GOLGA4: variants seen among roughly 807,000 people sequenced by gnomAD.
GOLGA4 encodes the protein golgin subfamily A member 4.
In GOLGA4, 169 loss-of-function variants were observed where a neutral mutation model predicts 265.9. That is an observed-to-expected ratio of 0.64 (90% confidence interval 0.56 to 0.72). The LOEUF (loss-of-function observed/expected upper bound fraction) is 0.72. Among genes scored for constraint, GOLGA4 ranks in the 30% least tolerant of loss-of-function variants. The probability of loss-of-function intolerance (pLI) is 0.00; values close to 1 mark genes in which losing one functional copy is unlikely to be tolerated. For missense variants in GOLGA4, 2,482 were observed against 2,483.4 expected, an observed-to-expected ratio of 1.00 and a Z score of 0.01; for synonymous variants, 923 against 855.8, an observed-to-expected ratio of 1.08 and a Z score of -1.37.
intron 2 of GOLGA4, among the ~76,000 whole-genome samples, chr3:37,281,261 A>T (rs2096833877): frequency 6.6e-6 from 1 of 152,212 alleles, no homozygotes; most frequent in African/African-American, 2.4e-5. Context: ...ATTTGTGCAG[A>T]GGGACTCTAA....
At chr3:37,283,512 A>T (rs945617254) in intron 3 of GOLGA4, among the ~76,000 whole-genome samples, 1 of 152,010 alleles carries the variant, frequency 6.6e-6, no homozygotes, top group Non-Finnish European at 1.5e-5. Context: ...TGTGTATTTT[A>T]TATTTAATTT....
At chr3:37,362,240 A>AT (rs773620319) in intron 23 of GOLGA4, among the ~76,000 whole-genome samples, 269 of 93,980 alleles carry the variant, frequency 2.9e-3, no homozygotes, top group African/African-American at 8.1e-3. Context: ...TTTATTTATT[A>AT]TTTTTTTTTT....
At position 37,323,862 on chromosome 3, in the gene GOLGA4, A is replaced by T. The variant is rs766314785; in HGVS notation, c.1976A>T (p.Asp659Val). The T allele has an allele frequency of 4.3e-6, 7 of 1,612,238 alleles. No individual in the cohort carries two copies. In the South Asian group the frequency reaches 7.7e-5, roughly 18 times the overall value. ...CAAGAAAAAGAAACATTGTTGAAAG[A>T]CAAAGAGATTATCTTCCAGGCCCAC... The part of the protein sequence containing the change: ...CEQEKETLLK[D>V]KEIIFQAHIE... The change falls in exon 14 of 24, where the codon GAC (aspartate) becomes GTC (valine). Residue 659 changes from aspartate (D) to valine (V), a missense_variant. By Grantham distance (152) the Asp-to-Val change is radical. This residue lies in a region of GOLGA4 where 1,536 missense variants were observed against 1,483.7 expected (regional missense o/e 1.04). Transcript: ENST00000361924.
At chr3:37,252,762 A>G (rs2096737566) in intron 2 of GOLGA4, among the ~76,000 whole-genome samples, 1 of 152,092 alleles carries the variant, frequency 6.6e-6, no homozygotes, top group African/African-American at 2.4e-5. Context: ...TTTATTGCCC[A>G]TTTGATGTCT....
At chr3:37,258,201 T>G (rs544559666) in intron 2 of GOLGA4, among the ~76,000 whole-genome samples, 11 of 146,448 alleles carry the variant, frequency 7.5e-5, no homozygotes, top group South Asian at 4.2e-4. Flanking sequence ...ATATGTATGA[T>G]ATATATAGCA....
chr3:37,359,627 C>G (rs918656126), intron 22 of GOLGA4, among the ~76,000 whole-genome samples: 1 of 152,130 alleles, frequency 6.6e-6, no homozygotes, highest in African/African-American at 2.4e-5. Flanking sequence ...TGCTTTCACA[C>G]TGATTCTTGG....
chr3:37,270,808 G>T (rs532173682), intron 2 of GOLGA4, among the ~76,000 whole-genome samples: 1 of 152,194 alleles, frequency 6.6e-6, no homozygotes, highest in South Asian at 2.1e-4. Flanking sequence ...ATGGTTTTGG[G>T]ATGATTCGAG....
At chr3:37,275,622 G>A in intron 2 of GOLGA4, 1 of 1,566,472 alleles carries the variant, frequency 6.4e-7, no homozygotes, top group African/African-American at 1.4e-5. Flanking sequence ...CGCTCCTGCT[G>A]TGTCTTCCGC....
intron 6 of GOLGA4, among the ~76,000 whole-genome samples, chr3:37,295,766 G>A (rs1437808613): frequency 1.3e-5 from 2 of 152,084 alleles, no homozygotes; most frequent in Non-Finnish European, 2.9e-5. Context: ...AAATATTTAG[G>A]GGGTGAAAAC....
chr3:37,304,485 T>C (rs2096901064), intron 10 of GOLGA4, among the ~76,000 whole-genome samples: 1 of 152,238 alleles, frequency 6.6e-6, no homozygotes. Context: ...TTGAGTGTTG[T>C]AAGACATTGG....
In GOLGA4 at chr3:37,327,625, C is replaced by A; in HGVS notation, c.5739C>A (p.Val1913=). 1 of 1,613,536 alleles carries A rather than the reference C, an allele frequency of 6.2e-7. No homozygotes were observed. The highest frequency in any genetic ancestry group is 1.1e-5 in the South Asian group (1 of 91,042). Residue 1913 remains valine, a synonymous_variant, in exon 14 of 24, where the codon GTC becomes GTA. Transcript: ENST00000361924. ...NTEEKSKSHL[V]QPKLLSNMEA... ...AAGAAAAGTCCAAATCACATTTGGTCCAACCCAAATTGCTTAGTAACATGG... is the reference window on the plus strand; with the variant it reads ...AAGAAAAGTCCAAATCACATTTGGTACAACCCAAATTGCTTAGTAACATGG...
chr3:37,283,881 A>G (rs1464841425), intron 3 of GOLGA4, among the ~76,000 whole-genome samples: 1 of 152,142 alleles, frequency 6.6e-6, no homozygotes, highest in Non-Finnish European at 1.5e-5. Context: ...CGTAGATGTT[A>G]ATTAGCTCAG....
At chr3:37,351,324 C>T (rs1023077761) in intron 21 of GOLGA4, among the ~76,000 whole-genome samples, 4 of 152,132 alleles carry the variant, frequency 2.6e-5, no homozygotes, top group African/African-American at 9.7e-5. Flanking sequence ...AATTCTGGTT[C>T]TCTTGATAGC....
At chr3:37,329,191 GA>G (rs2096982169) in intron 16 of GOLGA4, 98 bp downstream of exon 16, 1 of 1,002,948 alleles carries the variant, frequency 1.0e-6, no homozygotes, top group Non-Finnish European at 1.4e-6. Context: ...TTTTTTGAAC[GA>G]AAAGGGTTTT....
chr3:37,280,323 TG>T (rs1411562262), intron 2 of GOLGA4, among the ~76,000 whole-genome samples: 5 of 152,210 alleles, frequency 3.3e-5, no homozygotes, highest in African/African-American at 1.2e-4. Context: ...ATTGTATTGG[TG>T]GCTGAAATTG....
chr3:37,358,877 T>C (rs937885309), intron 22 of GOLGA4, among the ~76,000 whole-genome samples: 2 of 152,186 alleles, frequency 1.3e-5, no homozygotes, highest in South Asian at 2.1e-4. Context: ...AGCCTAGATC[T>C]CAATGGTTTG....
intron 19 of GOLGA4, among the ~76,000 whole-genome samples, chr3:37,338,360 T>A (rs1246624810): frequency 6.6e-6 from 1 of 152,208 alleles, no homozygotes; most frequent in Non-Finnish European, 1.5e-5. Flanking sequence ...GATGGGTATA[T>A]GAGCATTAAT....
At chr3:37,308,233 CA>C (rs750032403) in intron 10 of GOLGA4, among the ~76,000 whole-genome samples, 86 of 108,640 alleles carry the variant, frequency 7.9e-4, no homozygotes, top group Middle Eastern at 0.01. Flanking sequence ...AACTCTGTCT[CA>C]AAAAAAAAAA....
At chr3:37,333,753 A>T (rs2096999622) in intron 16 of GOLGA4, among the ~76,000 whole-genome samples, 1 of 152,168 alleles carries the variant, frequency 6.6e-6, no homozygotes, top group Non-Finnish European at 1.5e-5. Flanking sequence ...GATATCTAAG[A>T]TATCTAAGGA....
Sources: gnomAD v4.1 joint callset for allele counts (sites outside exome capture counted in the v4.1 genomes callset) on GRCh38, gnomAD v4.1.1 for gene constraint, gnomAD v4.1.1 regional missense constraint, MANE v1.5 for transcripts, NCBI Gene and HGNC (gene_info 2026-07-23, HGNC 2026-07-21) for gene names.